FLII: variants seen among roughly 807,000 people sequenced by gnomAD.
FLII encodes protein flightless-1 homolog.
In FLII, 101 loss-of-function variants were observed where a neutral mutation model predicts 156.2. The observed-to-expected ratio is 0.65, with a 90% CI of 0.55 to 0.76. The LOEUF (loss-of-function observed/expected upper bound fraction) is 0.76, where lower values mean the gene tolerates loss of function less well. FLII is among the 30% of genes least tolerant of loss of function. The probability of loss-of-function intolerance (pLI) is 0.00; values close to 1 mark genes in which losing one functional copy is unlikely to be tolerated. For synonymous variants in FLII, 767 were observed against 685.8 expected, an observed-to-expected ratio of 1.12 and a Z score of -1.85; for missense variants, 1,675 against 1,682.8, an observed-to-expected ratio of 1.00 and a Z score of 0.08.
rs1238545710 is a variant in FLII, at chr17:18,246,624, C to T, written c.3021G>A (p.Lys1007=). ...GCTTCCCAGGGAAGAGGCTCTCGAACTTCTTTTGCAGGCTGAAGGTGAAGG... is the reference window on the plus strand; with the variant it reads ...GCTTCCCAGGGAAGAGGCTCTCGAATTTCTTTTGCAGGCTGAAGGTGAAGG... ...WLTFTFSLQK[K]FESLFPGKLE... The change falls in exon 23 of 30, where the codon AAG becomes AAA. Residue 1007 remains lysine (K), a synonymous_variant. Transcript: ENST00000327031. 3 of 1,614,032 alleles carry T rather than the reference C, an allele frequency of 1.9e-6. No individual in the cohort carries two copies. The highest frequency in any genetic ancestry group is 2.2e-5 in the East Asian group (1 of 44,874).
chr17:18,251,886 G>A (rs2048281867), intron 11 of FLII, 70 bp from the exon 12 acceptor site: 3 of 1,607,798 alleles, frequency 1.9e-6, no homozygotes, highest in South Asian at 1.1e-5. Flanking sequence ...ACCAACCAGG[G>A]GCCAACTCCA....
intron 2 of FLII, 75 bp downstream of exon 2, chr17:18,256,834 G>A: frequency 1.0e-6 from 1 of 1,004,854 alleles, no homozygotes; most frequent in Non-Finnish European, 1.5e-6. Context: ...TGGAGAAGTT[G>A]TCTGCCTTCT....
At chr17:18,247,120 C>T in intron 21 of FLII, 49 bp downstream of exon 21, 1 of 1,284,394 alleles carries the variant, frequency 7.8e-7, no homozygotes, top group Non-Finnish European at 1.1e-6. Context: ...CCGCCCTCGG[C>T]CTGCCCCCCA....
chr17:18,245,022 T>C lies in FLII; in HGVS notation c.*116A>G. ...GGTGCTGCTTGAGGCTACTGGGGAC[T>C]GTGGCACTGGACGTGGCTGGAGCAG... On this transcript the variant is annotated 3_prime_UTR_variant, in exon 30 of 30. Transcript: ENST00000327031. 8.6e-7 allele frequency: 1 copy of C among 1,163,612 alleles called. No individual in the cohort carries two copies. The highest frequency in any genetic ancestry group is 1.4e-5 in the South Asian group (1 of 69,802). 72.1% of individuals were successfully genotyped at this position (1,163,612 alleles called of 1,614,324 possible). A position where few individuals can be genotyped will look rare whatever the true frequency, so the allele number is the denominator to read the frequency against.
rs2048277366 is a variant in FLII at position 18,251,782 on chromosome 17, C to T, written c.1281G>A (p.Lys427=). 2 of 1,613,674 alleles carry T rather than the reference C, an allele frequency of 1.2e-6. No individual in the cohort carries two copies. The highest frequency in any genetic ancestry group is 2.7e-5 in the African/African-American group (2 of 74,944). ...GSGPKDPMAR[K]MRLRRRKDSA... ...AATCCTTGCGCCTCCGCAGTCGCATCTTGCGAGCCATAGGGTCCTTGGGCC... is the reference window on the plus strand; with the variant it reads ...AATCCTTGCGCCTCCGCAGTCGCATTTTGCGAGCCATAGGGTCCTTGGGCC... The change falls in exon 12 of 30, where the codon AAG becomes AAA. Residue 427 remains lysine, a synonymous_variant. Transcript: ENST00000327031.
At chr17:18,250,816 C>A in intron 14 of FLII, 22 bp downstream of exon 14, 1 of 1,598,652 alleles carries the variant, frequency 6.3e-7, no homozygotes, top group Non-Finnish European at 8.6e-7. Flanking sequence ...TCTGCCCACC[C>A]CCAATTTTAA....
At chr17:18,246,273 C>T (rs374888370) in intron 24 of FLII, 35 bp downstream of exon 24, 4 of 1,613,988 alleles carry the variant, frequency 2.5e-6, no homozygotes, top group African/African-American at 1.3e-5. Flanking sequence ...CTCCCTGACG[C>T]TTGCTCGCCA....
In FLII at chr17:18,258,250, C is replaced by T. The variant is rs1387528026; in HGVS notation, c.63+378G>A. Among the ~76,000 whole-genome samples, 1 of 152,202 alleles carries T rather than the reference C, an allele frequency of 6.6e-6. No homozygotes were observed. The highest frequency in any genetic ancestry group is 1.5e-5 in the Non-Finnish European group (1 of 68,034). On this transcript the variant is annotated intron_variant, in intron 1 of 29. Transcript: ENST00000327031. The surrounding 1 kb of genome is among the most constrained non-coding windows in gnomAD (Gnocchi z 4.2). ...GGCTCCACACCCGCCCCTGGGCAGC[C>T]GGGCAGCCATCCCTGAGTCAGGGCC... is the stretch of plus-strand genomic sequence containing the variant.
At chr17:18,247,398 T>A (rs371698596) in intron 20 of FLII, 41 bp from the exon 21 acceptor site, 192 of 1,543,080 alleles carry the variant, frequency 1.2e-4, no homozygotes, top group Middle Eastern at 3.5e-4. Flanking sequence ...GGGTGCGGCA[T>A]GATTAGAGTT....
chr17:18,248,339 C>T (rs1216613775), intron 18 of FLII, among the ~76,000 whole-genome samples: 1 of 152,120 alleles, frequency 6.6e-6, no homozygotes, highest in Non-Finnish European at 1.5e-5. Flanking sequence ...GTCTCCCCTA[C>T]GGCCCCACCA....
At position 18,254,687 on chromosome 17, in the gene FLII, G is replaced by C. The variant is rs753200297; in HGVS notation, c.414-5C>G. The C allele has an allele frequency of 6.2e-7, 1 of 1,613,754 alleles. No homozygotes were observed. Among genetic ancestry groups the C allele is most frequent in the Admixed American group, 1.7e-5 (1 of 60,004 alleles). On this transcript the variant is annotated splice_polypyrimidine_tract_variant and splice_region_variant and intron_variant, in intron 5 of 29. Transcript: ENST00000327031. ...TGGTTGGGGATGGTGTCGATGCTACGGGTGGGGAGCAGGAGCCACCTGAGT... is the reference window on the plus strand; with the variant it reads ...TGGTTGGGGATGGTGTCGATGCTACCGGTGGGGAGCAGGAGCCACCTGAGT...
chr17:18,257,181 AGAATGG>A, intron 1 of FLII, 162 bp from the exon 2 acceptor site: 1 of 556,678 alleles, frequency 1.8e-6, no homozygotes. Context: ...CTTCACCCAT[AGAATGG>A]GAATTTTAAG....
rs746597101 is a variant in FLII, at chr17:18,253,727, G to A, written c.680-8C>T. Reference sequence around the variant, plus strand: ...TGCAGGACAGATCCACGTCTGGGGTGCAGGGTGGGGTGCATCAGCTGGGGC... The same window carrying A: ...TGCAGGACAGATCCACGTCTGGGGTACAGGGTGGGGTGCATCAGCTGGGGC... On this transcript the variant is annotated splice_region_variant and splice_polypyrimidine_tract_variant and intron_variant, in intron 7 of 29. Coordinates refer to ENST00000327031, the MANE Select transcript of FLII (RefSeq NM_002018.4). The A allele has an allele frequency of 2.5e-6, 4 of 1,597,376 alleles. No individual in the cohort carries two copies. The highest frequency in any genetic ancestry group is 3.4e-6 in the Non-Finnish European group (4 of 1,170,642).
rs199914435 is a variant in FLII at position 18,245,241 on chromosome 17, T to G, written c.3707A>C (p.His1236Pro). Residue 1236 changes from histidine to proline, a missense_variant, in exon 30 of 30, where the codon CAT becomes CCT. Coordinates refer to ENST00000327031, the MANE Select transcript of FLII (RefSeq NM_002018.4). Reference sequence around the variant, plus strand: ...CAGGCGCAGCCGGCGCGGCCGCTCATGTTCCTTGGACCGCATGTGCTGGAT... The same window carrying G: ...CAGGCGCAGCCGGCGCGGCCGCTCAGGTTCCTTGGACCGCATGTGCTGGAT... ...VYIQHMRSKE[H>P]ERPRRLRLVR... 6.2e-7 allele frequency: 1 copy of G among 1,613,798 alleles called. No individual in the cohort carries two copies. Among genetic ancestry groups the G allele is most frequent in the South Asian group, 1.1e-5 (1 of 91,068 alleles).
At position 18,254,086 on chromosome 17, in the gene FLII, GT is replaced by G; in HGVS notation, c.671del (p.Asn224ThrfsTer12). The G allele has an allele frequency of 6.2e-7, 1 of 1,608,150 alleles. No homozygotes were observed. The highest frequency in any genetic ancestry group is 8.5e-7 in the Non-Finnish European group (1 of 1,176,410). On this transcript the variant is annotated frameshift_variant, in exon 7 of 30. Coordinates refer to ENST00000327031, the MANE Select transcript of FLII (RefSeq NM_002018.4). LOFTEE classifies it high-confidence loss of function. ...CTCCTGGGGCTGCCTGACCTGCGAG[GT>G]TGCTCAGACCCTCCAGGCTGGTGGG... ...NLPTSLEGLS[N>X]LADVDLSCND...
chr17:18,256,794 T>A (rs770292405), intron 2 of FLII, 115 bp downstream of exon 2: 2 of 812,804 alleles, frequency 2.5e-6, no homozygotes, highest in Non-Finnish European at 4.0e-6. Context: ...TTCTTCCAGC[T>A]CTGCTCATAG....
At chr17:18,251,571 G>A in intron 12 of FLII, 94 bp from the exon 13 acceptor site, 4 of 1,574,598 alleles carry the variant, frequency 2.5e-6, no homozygotes, top group Non-Finnish European at 3.5e-6. Flanking sequence ...TTGCACAGCT[G>A]TTCTTTCTGC....
At chr17:18,258,761 G>C (rs983560328), upstream of FLII, 110 of 1,142,050 alleles carry the variant, frequency 9.6e-5, no homozygotes, top group Non-Finnish European at 1.2e-4. The surrounding 1 kb of genome is among the most constrained non-coding windows in gnomAD (Gnocchi z 4.2). Context: ...GGGAGCCGCG[G>C]GCTGGGCCAG....
rs1200449797 is a variant in FLII at position 18,256,996 on chromosome 17, G to T, written c.87C>A (p.Val29=). The T allele has an allele frequency of 1.2e-6, 2 of 1,610,212 alleles. No homozygotes were observed. The highest frequency in any genetic ancestry group is 2.2e-5 in the East Asian group (1 of 44,750). ...DFKGGYFPEN[V]KAMTSLRWLK... ...GCCACCGCAGGCTGGTCATGGCCTTGACATTCTCAGGGAAGTAGCCGCCCT... is the reference window on the plus strand; with the variant it reads ...GCCACCGCAGGCTGGTCATGGCCTTTACATTCTCAGGGAAGTAGCCGCCCT... Residue 29 remains valine (V), a synonymous_variant, in exon 2 of 30, where the codon GTC becomes GTA. Coordinates refer to ENST00000327031, the MANE Select transcript of FLII (RefSeq NM_002018.4).
Sources: gnomAD v4.1 joint callset for allele counts (sites outside exome capture counted in the v4.1 genomes callset) on GRCh38, gnomAD v4.1.1 for gene constraint, Gnocchi (gnomAD v3.1) non-coding constraint, MANE v1.5 for transcripts, NCBI Gene and HGNC (gene_info 2026-07-23, HGNC 2026-07-21) for gene names.